RNF144A: variants seen among roughly 807,000 people sequenced by gnomAD.
RNF144A encodes E3 ubiquitin-protein ligase RNF144A.
In RNF144A, 11 loss-of-function variants were observed where a neutral mutation model predicts 38.7. The ratio of observed to expected loss-of-function variants is 0.28; its 90% CI spans 0.18 to 0.47. The LOEUF is 0.47. Among genes scored for constraint, RNF144A ranks in the 20% least tolerant of loss-of-function variants. The pLI is 0.99. For missense variants in RNF144A, 316 were observed against 377.2 expected (o/e 0.84, Z 1.34); for synonymous variants, 149 against 143.9 (o/e 1.04, Z -0.25).
At chr2:6,961,392 AT>A (rs35808012) in intron 2 of RNF144A, among the ~76,000 whole-genome samples, 51 of 149,740 alleles carry the variant, frequency 3.4e-4, no homozygotes, top group Middle Eastern at 3.5e-3. Context: ...ATAAAGGTAC[AT>A]TTTTTTTTTC....
chr2:6,990,708 T>C (rs1462886242), intron 2 of RNF144A, among the ~76,000 whole-genome samples: 1 of 152,058 alleles, frequency 6.6e-6, no homozygotes, highest in Non-Finnish European at 1.5e-5. Flanking sequence ...GTCCATAGTT[T>C]ACGCTAGGTT....
chr2:7,023,771 G>T (rs1671690936), intron 6 of RNF144A, among the ~76,000 whole-genome samples: 2 of 152,166 alleles, frequency 1.3e-5, no homozygotes, highest in Admixed American at 1.3e-4. Context: ...GGCTTGGAGG[G>T]TTGCTCCACA....
At chr2:6,960,539 C>T (rs569960756) in intron 2 of RNF144A, among the ~76,000 whole-genome samples, 1 of 152,312 alleles carries the variant, frequency 6.6e-6, no homozygotes, top group South Asian at 2.1e-4. Flanking sequence ...GGAAGTATAA[C>T]ACCATCTTGA....
rs184923265 is a variant in RNF144A at position 7,040,150 on chromosome 2, C to G, written c.*390C>G. On this transcript the variant is annotated 3_prime_UTR_variant, in exon 9 of 9. Transcript: ENST00000320892. ...GAGAAGTCTTTTAAGGACTGCCACTCTCTTCAGACAGAATCTGATTATTCC... is the reference window on the plus strand; with the variant it reads ...GAGAAGTCTTTTAAGGACTGCCACTGTCTTCAGACAGAATCTGATTATTCC... 3.0e-6 allele frequency: 3 copies of G among 998,864 alleles called. No individual in the cohort carries two copies. Among genetic ancestry groups the G allele is most frequent in the African/African-American group, 1.7e-5 (1 of 57,834 alleles). The allele number at this position is 998,864 out of a possible 1,614,324, so 61.9% of individuals were successfully genotyped here.
chr2:7,040,399 A>T lies in RNF144A; in HGVS notation c.*639A>T. The stretch of plus-strand genomic sequence containing the variant: ...TATGCACTCTTTGTGTTTTTCTTGA[A>T]ACTTGCTGTAGTAACTTTTTGAACG... On this transcript the variant is annotated 3_prime_UTR_variant, in exon 9 of 9. Transcript: ENST00000320892. 2 of 985,428 alleles carry T rather than the reference A, an allele frequency of 2.0e-6. No homozygotes were observed. Among genetic ancestry groups the T allele is most frequent in the Non-Finnish European group, 1.2e-6 (1 of 829,964 alleles). 61.0% of individuals were successfully genotyped at this position (985,428 alleles called of 1,614,324 possible).
chr2:7,056,043 G>A (rs1673726504), intron 6 of RNF144A, among the ~76,000 whole-genome samples: 1 of 152,104 alleles, frequency 6.6e-6, no homozygotes, highest in Non-Finnish European at 1.5e-5. Context: ...TCCTTCCCCA[G>A]CCCTAGCCCA....
chr2:7,039,490 A>G, intron 8 of RNF144A, 139 bp from the exon 9 acceptor site: 1 of 1,418,072 alleles, frequency 7.1e-7, no homozygotes, highest in South Asian at 1.4e-5. Flanking sequence ...CTAGATGGGT[A>G]GATGGATGGA....
chr2:7,033,378 G>A (rs1672453105), intron 8 of RNF144A, among the ~76,000 whole-genome samples: 1 of 152,216 alleles, frequency 6.6e-6, no homozygotes, highest in Admixed American at 6.5e-5. Flanking sequence ...ATATCCTCAC[G>A]CCATCGTGCC....
chr2:7,045,155 G>A (rs530229414), downstream of RNF144A, among the ~76,000 whole-genome samples: 7 of 152,308 alleles, frequency 4.6e-5, no homozygotes, highest in East Asian at 1.2e-3. Flanking sequence ...TTCAACAAGC[G>A]CACAGAGTTT....
intron 2 of RNF144A, among the ~76,000 whole-genome samples, chr2:6,988,376 C>T (rs1669088305): frequency 6.6e-6 from 1 of 152,212 alleles, no homozygotes; most frequent in African/African-American, 2.4e-5. Context: ...CAAGTTCTCT[C>T]ATTGCATTTA....
chr2:6,971,557 C>G (rs1667999246), intron 2 of RNF144A, among the ~76,000 whole-genome samples: 1 of 152,196 alleles, frequency 6.6e-6, no homozygotes, highest in Non-Finnish European at 1.5e-5. Context: ...CTTAACCTTT[C>G]ACTTTTGCAG....
downstream of RNF144A, among the ~76,000 whole-genome samples, chr2:7,045,668 TG>T (rs1470965962): frequency 6.6e-6 from 1 of 152,218 alleles, no homozygotes; most frequent in Non-Finnish European, 1.5e-5. Flanking sequence ...TCACAGGTTC[TG>T]GGGGTTAGGC....
At chr2:7,067,391 T>C (rs1272097241) in intron 6 of RNF144A, among the ~76,000 whole-genome samples, 1 of 152,210 alleles carries the variant, frequency 6.6e-6, no homozygotes, top group African/African-American at 2.4e-5. Flanking sequence ...GTAGACAACC[T>C]TCGTGGTGTT....
At chr2:6,980,243 A>C (rs964473053) in intron 2 of RNF144A, among the ~76,000 whole-genome samples, 1 of 152,102 alleles carries the variant, frequency 6.6e-6, no homozygotes, top group African/African-American at 2.4e-5. Context: ...TTCAAAACCA[A>C]TCATGCTCTC....
intron 2 of RNF144A, among the ~76,000 whole-genome samples, chr2:6,954,606 T>C (rs1419728600): frequency 3.9e-5 from 6 of 152,242 alleles, no homozygotes; most frequent in Non-Finnish European, 2.9e-5. Context: ...GCCCCTTGGC[T>C]CAAAACCTGT....
chr2:6,962,994 G>C lies in RNF144A; in HGVS notation c.-12+21847G>C, dbSNP rs934796974. ...GGACTGTCCTCAGCACTGAGAAGCAGAGGTCAAGGATGAAGTCGTACTTGG... is the reference window on the plus strand; with the variant it reads ...GGACTGTCCTCAGCACTGAGAAGCACAGGTCAAGGATGAAGTCGTACTTGG... On this transcript the variant is annotated intron_variant, in intron 2 of 8. Transcript: ENST00000320892. This position sits in a 1 kb window ranked among gnomAD's most constrained non-coding sequence, Gnocchi z 4.1. Among the ~76,000 whole-genome samples the C allele has an allele frequency of 4.6e-5, 7 of 152,254 alleles. No individual in the cohort carries two copies. Among genetic ancestry groups the C allele is most frequent in the African/African-American group, 1.7e-4 (7 of 41,472 alleles).
chr2:6,968,021 T>C (rs150064327), intron 2 of RNF144A, among the ~76,000 whole-genome samples: 27 of 152,292 alleles, frequency 1.8e-4, no homozygotes, highest in Non-Finnish European at 3.8e-4. Flanking sequence ...TTGATATCTA[T>C]GGAGTAGGGG....
chr2:7,075,324 G>A, the RNF144A span, among the ~76,000 whole-genome samples: 1 of 151,286 alleles, frequency 6.6e-6, no homozygotes, highest in East Asian at 2.0e-4. Flanking sequence ...GCCAGTTTGA[G>A]CTTCCTCCCA....
chr2:6,953,283 G>A (rs1666800149), intron 2 of RNF144A, among the ~76,000 whole-genome samples: 1 of 152,096 alleles, frequency 6.6e-6, no homozygotes, highest in African/African-American at 2.4e-5. Flanking sequence ...ACAAAAATTA[G>A]AGCGGCATGG....
Sources: allele counts gnomAD v4.1 joint callset (sites outside exome capture counted in the v4.1 genomes callset), GRCh38; gene constraint gnomAD v4.1.1; non-coding constraint Gnocchi (gnomAD v3.1); transcripts MANE v1.5; gene names NCBI Gene and HGNC (gene_info 2026-07-23, HGNC 2026-07-21).